The following LHFPL3 variants were observed in gnomAD, a reference collection of about 807,000 sequenced individuals.
LHFPL3 encodes the protein LHFPL tetraspan subfamily member 3.
LHFPL3 carries 5 observed loss-of-function variants against 19.3 expected under a neutral mutation model. That is an observed-to-expected ratio of 0.26 (90% CI 0.14 to 0.54). The LOEUF (loss-of-function observed/expected upper bound fraction) is 0.54. Ranked by LOEUF, LHFPL3 falls within the 20% of genes least tolerant of loss-of-function variation. The pLI is 0.94. For missense variants in LHFPL3, 249 were observed against 307.4 expected (o/e 0.81, Z 1.42); for synonymous variants, 133 against 126.2 (o/e 1.05, Z -0.36).
At chr7:104,775,039 G>A (rs7458419) in intron 2 of LHFPL3, among the ~76,000 whole-genome samples, 18,167 of 152,222 alleles carry the variant, frequency 0.12, 1,313 homozygotes, top group Non-Finnish European at 0.16. Flanking sequence ...ACGTGCCAGA[G>A]TTTGAATCAC....
At chr7:104,641,873 A>C (rs1395281512) in intron 1 of LHFPL3, among the ~76,000 whole-genome samples, 3 of 152,190 alleles carry the variant, frequency 2.0e-5, no homozygotes, top group Non-Finnish European at 4.4e-5. Context: ...GTGATTACCG[A>C]AGAAAATGAC....
rs190305996 is a variant in LHFPL3 at position 104,565,674 on chromosome 7, T to C, written c.446-171001T>C. Among the ~76,000 whole-genome samples, 239 of 141,212 alleles carry C rather than the reference T, an allele frequency of 1.7e-3. 2 individuals carry two copies. Among genetic ancestry groups the C allele is most frequent in the Non-Finnish European group, 1.0e-3 (67 of 66,710 alleles). The allele number at this position is 141,212 out of a possible 152,430, so 92.6% of individuals were successfully genotyped here. A position where few individuals can be genotyped will look rare whatever the true frequency, so the allele number is the denominator to read the frequency against. On this transcript the variant is annotated intron_variant, in intron 1 of 2. Transcript: ENST00000424859. ...TCATCTTACTGGATAACAGTTAGACTTTTTTTTTTCAATTTCTCAAGTTTC... is the reference window on the plus strand; with the variant it reads ...TCATCTTACTGGATAACAGTTAGACCTTTTTTTTTCAATTTCTCAAGTTTC...
chr7:104,372,655 T>C lies in LHFPL3; in HGVS notation c.445+43431T>C, dbSNP rs1790637378. ...CTTTATGTCACAGAATCTCAGGGTC[T>C]TCATTTGTAAAATAGGAGTGATAAT... On this transcript the variant is annotated intron_variant, in intron 1 of 2. Coordinates refer to ENST00000424859, the MANE Select transcript of LHFPL3 (RefSeq NM_199000.3). Among the ~76,000 whole-genome samples the C allele has an allele frequency of 3.3e-5, 5 of 152,192 alleles. No individual in the cohort carries two copies. In the South Asian group the frequency reaches 1.0e-3, roughly 32 times the overall value.
intron 1 of LHFPL3, among the ~76,000 whole-genome samples, chr7:104,575,061 A>C (rs1027704201): frequency 2.0e-5 from 3 of 150,272 alleles, no homozygotes. Context: ...GTAATAAATG[A>C]CTTAAGCATA....
intron 1 of LHFPL3, among the ~76,000 whole-genome samples, chr7:104,657,256 CTT>C (rs1293676663): frequency 6.6e-6 from 1 of 152,216 alleles, no homozygotes; most frequent in Non-Finnish European, 1.5e-5. Context: ...TACAACCTGT[CTT>C]TGAAGCATTC....
intron 1 of LHFPL3, among the ~76,000 whole-genome samples, chr7:104,627,281 A>G (rs1451709956): frequency 6.6e-6 from 1 of 152,074 alleles, no homozygotes; most frequent in Non-Finnish European, 1.5e-5. Context: ...AGGTTCATTC[A>G]TGTTGTTGCA....
At chr7:104,512,675 G>A (rs998605274) in intron 1 of LHFPL3, among the ~76,000 whole-genome samples, 9 of 152,082 alleles carry the variant, frequency 5.9e-5, no homozygotes, top group African/African-American at 1.7e-4. Context: ...GGTGAAGGAT[G>A]TGGTGAGCCA....
At chr7:104,678,252 G>A (rs920843813) in intron 1 of LHFPL3, among the ~76,000 whole-genome samples, 1 of 152,076 alleles carries the variant, frequency 6.6e-6, no homozygotes, top group Non-Finnish European at 1.5e-5. Context: ...GAACTTTTCT[G>A]AGCCCTGGTA....
At chr7:104,600,770 T>C (rs1338455648) in intron 1 of LHFPL3, among the ~76,000 whole-genome samples, 1 of 152,188 alleles carries the variant, frequency 6.6e-6, no homozygotes, top group Admixed American at 6.5e-5. Context: ...TTCTTCACAG[T>C]GTACCTGTGA....
chr7:104,696,354 G>A (rs1386829778), intron 1 of LHFPL3, among the ~76,000 whole-genome samples: 1 of 152,192 alleles, frequency 6.6e-6, no homozygotes, highest in Non-Finnish European at 1.5e-5. Context: ...AAGTACCAGT[G>A]TCTAATGTAT....
At chr7:104,623,059 C>CT (rs1562952421) in intron 1 of LHFPL3, 1 of 324,384 alleles carries the variant, frequency 3.1e-6, no homozygotes. Context: ...TTCATGTATT[C>CT]ATTATTTCTA....
chr7:104,877,876 C>T (rs926315315), intron 2 of LHFPL3, among the ~76,000 whole-genome samples: 15 of 151,898 alleles, frequency 9.9e-5, no homozygotes, highest in African/African-American at 3.6e-4. Context: ...CTCTGTCACC[C>T]AGGCTCGAGT....
intron 1 of LHFPL3, among the ~76,000 whole-genome samples, chr7:104,435,236 G>A (rs528466480): frequency 1.1e-4 from 16 of 151,882 alleles, no homozygotes; most frequent in East Asian, 1.9e-4. Context: ...CCAAACTCCC[G>A]GGCCCAAGGG....
intron 1 of LHFPL3, among the ~76,000 whole-genome samples, chr7:104,639,364 A>G (rs1791788073): frequency 6.6e-6 from 1 of 152,168 alleles, no homozygotes; most frequent in Non-Finnish European, 1.5e-5. Context: ...TTGTGTGCCT[A>G]GAAGTGTTCA....
chr7:104,816,309 T>C (rs1790560000), intron 2 of LHFPL3, among the ~76,000 whole-genome samples: 1 of 152,210 alleles, frequency 6.6e-6, no homozygotes, highest in African/African-American at 2.4e-5. Flanking sequence ...TAGTTTCCTT[T>C]TAGCTTAGCA....
intron 2 of LHFPL3, among the ~76,000 whole-genome samples, chr7:104,858,652 T>C (rs1019353389): frequency 6.6e-6 from 1 of 152,136 alleles, no homozygotes; most frequent in African/African-American, 2.4e-5. Context: ...AGCTCCAAAT[T>C]CCTTCTCTCA....
At chr7:104,644,998 T>C (rs1026589265) in intron 1 of LHFPL3, among the ~76,000 whole-genome samples, 10 of 152,188 alleles carry the variant, frequency 6.6e-5, no homozygotes, top group Non-Finnish European at 1.5e-4. Flanking sequence ...TCCCAGACCT[T>C]GTCTCCACTG....
chr7:104,430,819 A>G (rs1216916671), intron 1 of LHFPL3, among the ~76,000 whole-genome samples: 1 of 151,816 alleles, frequency 6.6e-6, no homozygotes, highest in Non-Finnish European at 1.5e-5. Flanking sequence ...ATTAGCTGCT[A>G]GGAAACCCAG....
chr7:104,651,406 C>T (rs1792032341), intron 1 of LHFPL3, among the ~76,000 whole-genome samples: 1 of 152,188 alleles, frequency 6.6e-6, no homozygotes, highest in Non-Finnish European at 1.5e-5. Context: ...ATTAACGATC[C>T]CTGAGGAAAT....
Sources: allele counts gnomAD v4.1 joint callset (sites outside exome capture counted in the v4.1 genomes callset), GRCh38; gene constraint gnomAD v4.1.1; transcripts MANE v1.5; gene names NCBI Gene and HGNC (gene_info 2026-07-23, HGNC 2026-07-21).